Variants in MYRIP observed in about 807,000 individuals in gnomAD.
The protein encoded by MYRIP is myosin VIIA and Rab interacting protein, also known as rab effector MyRIP.
In MYRIP, 49 loss-of-function variants were observed where a neutral mutation model predicts 98.0. That is an observed-to-expected ratio of 0.50 (90% CI 0.40 to 0.63). MYRIP has a LOEUF of 0.63. Among genes scored for constraint, MYRIP ranks in the 30% least tolerant of loss-of-function variants. The probability of loss-of-function intolerance (pLI) is 0.00; values close to 1 mark genes in which losing one functional copy is unlikely to be tolerated. For synonymous variants in MYRIP, 404 were observed against 409.5 expected (o/e 0.99, Z 0.16); for missense variants, 1,004 against 1,058.2 (o/e 0.95, Z 0.71).
intron 1 of MYRIP, among the ~76,000 whole-genome samples, chr3:39,878,704 A>T (rs1170999243): frequency 6.6e-6 from 1 of 152,170 alleles, no homozygotes; most frequent in African/African-American, 2.4e-5. Flanking sequence ...ATCAATATAC[A>T]TAAATTTGTA....
chr3:40,210,366 G>A (rs1422688328), intron 11 of MYRIP, among the ~76,000 whole-genome samples: 6 of 152,112 alleles, frequency 3.9e-5, no homozygotes, highest in Non-Finnish European at 8.8e-5. Flanking sequence ...ATGATTTAGT[G>A]CCCCTTATCC....
chr3:39,976,186 C>T (rs1945745394), intron 2 of MYRIP, among the ~76,000 whole-genome samples: 3 of 151,966 alleles, frequency 2.0e-5, no homozygotes, highest in Admixed American at 6.6e-5. Flanking sequence ...CTACAATGAA[C>T]TCAAACAAAT....
chr3:39,966,372 CTGAA>C (rs994184420), intron 2 of MYRIP, among the ~76,000 whole-genome samples: 3 of 152,130 alleles, frequency 2.0e-5, no homozygotes, highest in African/African-American at 7.2e-5. Context: ...TTTGAAAATT[CTGAA>C]TGACCACTAT....
intron 2 of MYRIP, among the ~76,000 whole-genome samples, chr3:39,976,561 T>C (rs2125752906): frequency 6.6e-6 from 1 of 152,222 alleles, no homozygotes. Flanking sequence ...ACCCAAAGGA[T>C]TATAAATCAT....
At chr3:40,202,251 T>C (rs1951587703) in intron 10 of MYRIP, among the ~76,000 whole-genome samples, 1 of 152,152 alleles carries the variant, frequency 6.6e-6, no homozygotes, top group African/African-American at 2.4e-5. Flanking sequence ...GGACTCTTTT[T>C]TAAAAGGTGG....
intron 3 of MYRIP, among the ~76,000 whole-genome samples, chr3:40,075,390 T>G (rs1200554304): frequency 1.3e-5 from 2 of 152,194 alleles, no homozygotes; most frequent in African/African-American, 4.8e-5. Context: ...AATTAAGACA[T>G]CCATTCCATG....
At chr3:40,205,988 C>T (rs1472526985) in intron 10 of MYRIP, among the ~76,000 whole-genome samples, 1 of 152,124 alleles carries the variant, frequency 6.6e-6, no homozygotes, top group Non-Finnish European at 1.5e-5. Flanking sequence ...TTATTCTTAT[C>T]AGTATTTCTT....
chr3:39,957,589 A>G (rs1443412234), intron 2 of MYRIP, among the ~76,000 whole-genome samples: 2 of 152,106 alleles, frequency 1.3e-5, no homozygotes, highest in Non-Finnish European at 2.9e-5. Context: ...AAGGGCAAAA[A>G]CTGGAAGCAT....
chr3:39,926,635 G>C (rs1002125742), intron 2 of MYRIP, among the ~76,000 whole-genome samples: 1 of 152,048 alleles, frequency 6.6e-6, no homozygotes, highest in African/African-American at 2.4e-5. Context: ...TCAGAGATCA[G>C]ATGGTTGTAG....
chr3:39,896,214 C>A (rs1943607675), intron 1 of MYRIP, among the ~76,000 whole-genome samples: 1 of 152,198 alleles, frequency 6.6e-6, no homozygotes, highest in African/African-American at 2.4e-5. Flanking sequence ...CACTGAATAT[C>A]AAATATCAAA....
intron 1 of MYRIP, among the ~76,000 whole-genome samples, chr3:39,889,328 A>G (rs1943413815): frequency 6.6e-6 from 1 of 152,174 alleles, no homozygotes; most frequent in Admixed American, 6.5e-5. Flanking sequence ...GCACATATAC[A>G]CCATGGAATA....
At chr3:40,068,353 G>T (rs17075204) in intron 3 of MYRIP, among the ~76,000 whole-genome samples, 14,297 of 152,114 alleles carry the variant, frequency 0.094, 783 homozygotes, top group East Asian at 0.22. Flanking sequence ...ACAATGTTTT[G>T]CTCTAGGTGA....
chr3:40,209,824 C>A, intron 10 of MYRIP, 30 bp from the exon 11 acceptor site: 1 of 1,612,956 alleles, frequency 6.2e-7, no homozygotes. Flanking sequence ...GCAGAGGGCT[C>A]CTCATCTCAT....
chr3:39,919,731 A>T (rs867965930), intron 2 of MYRIP, among the ~76,000 whole-genome samples: 84 of 143,744 alleles, frequency 5.8e-4, no homozygotes, highest in East Asian at 2.4e-3. Context: ...TGTGTGTGAG[A>T]GAGAGAGAGA....
At chr3:39,916,150 A>G (rs1357017700) in intron 2 of MYRIP, among the ~76,000 whole-genome samples, 1 of 152,100 alleles carries the variant, frequency 6.6e-6, no homozygotes, top group Non-Finnish European at 1.5e-5. Flanking sequence ...TAGAACTGAT[A>G]TGTCTAAAGA....
chr3:40,055,683 T>C (rs1262230639), intron 3 of MYRIP, among the ~76,000 whole-genome samples: 2 of 152,196 alleles, frequency 1.3e-5, no homozygotes, highest in Admixed American at 1.3e-4. Context: ...TAATCATTTT[T>C]CATCTGTCCA....
chr3:40,176,890 CAA>C (rs1408379655), intron 8 of MYRIP, among the ~76,000 whole-genome samples: 4 of 29,634 alleles, frequency 1.3e-4, no homozygotes, highest in Non-Finnish European at 4.7e-4. Context: ...GCCTGGGCAA[CAA>C]GAGCAAACTC....
chr3:40,149,005 T>C (rs1403798662), intron 3 of MYRIP, among the ~76,000 whole-genome samples: 1 of 152,214 alleles, frequency 6.6e-6, no homozygotes, highest in Non-Finnish European at 1.5e-5. Context: ...ACGTGTATGA[T>C]ATCTGATGGG....
chr3:40,227,193 G>A (rs910842421), intron 11 of MYRIP, among the ~76,000 whole-genome samples: 8 of 152,166 alleles, frequency 5.3e-5, no homozygotes, highest in Non-Finnish European at 1.2e-4. Flanking sequence ...TAGAGTGGAT[G>A]CTTCCAGAAG....
Sources: allele counts gnomAD v4.1 joint callset (sites outside exome capture counted in the v4.1 genomes callset), GRCh38; gene constraint gnomAD v4.1.1; transcripts MANE v1.5; gene names NCBI Gene and HGNC (gene_info 2026-07-23, HGNC 2026-07-21).